The following HSD17B3 variants were observed in gnomAD, a reference collection of about 807,000 sequenced individuals.
HSD17B3 encodes the protein hydroxysteroid 17-beta dehydrogenase 3, also known as 17-beta-hydroxysteroid dehydrogenase type 3.
A neutral mutation model predicts 41.1 loss-of-function variants in HSD17B3; 29 were observed. That is an observed-to-expected ratio of 0.71 (90% confidence interval 0.53 to 0.96). The LOEUF is 0.96. HSD17B3 is among the 40% of genes least tolerant of loss of function. The pLI, the probability that HSD17B3 is intolerant of heterozygous loss-of-function variation, is 0.00. For missense variants in HSD17B3, 323 were observed against 374.6 expected (o/e 0.86, Z 1.14); for synonymous variants, 126 against 145.6 (o/e 0.87, Z 0.97).
chr9:96,244,259 C>G, intron 9 of HSD17B3, 70 bp downstream of exon 9: 1 of 1,480,368 alleles, frequency 6.8e-7, no homozygotes. Flanking sequence ...CCAGAGTAAC[C>G]CTTCTCAAGG....
At chr9:96,285,151 T>TA (rs929696171) in intron 2 of HSD17B3, among the ~76,000 whole-genome samples, 1 of 152,054 alleles carries the variant, frequency 6.6e-6, no homozygotes, top group Non-Finnish European at 1.5e-5. Context: ...AGCCAATTTT[T>TA]AAAAAAAGCT....
chr9:96,281,379 G>T (rs1047638001), intron 2 of HSD17B3, among the ~76,000 whole-genome samples: 2 of 152,132 alleles, frequency 1.3e-5, no homozygotes, highest in East Asian at 3.9e-4. Flanking sequence ...GGTAAAGGAT[G>T]GGGCTGGGTT....
chr9:96,280,098 G>C (rs112847756), intron 2 of HSD17B3, among the ~76,000 whole-genome samples: 2 of 152,238 alleles, frequency 1.3e-5, no homozygotes, highest in African/African-American at 4.8e-5. Context: ...TCTCTGTGTT[G>C]ATATCAGCGG....
chr9:96,270,311 G>A (rs538332939), intron 2 of HSD17B3, among the ~76,000 whole-genome samples: 2 of 152,116 alleles, frequency 1.3e-5, no homozygotes, highest in Admixed American at 6.6e-5. Context: ...GAGAGAAAGA[G>A]TGCCATGGCA....
intron 5 of HSD17B3, among the ~76,000 whole-genome samples, chr9:96,250,715 C>A (rs1450344023): frequency 2.0e-5 from 3 of 151,994 alleles, no homozygotes; most frequent in Non-Finnish European, 4.4e-5. Context: ...AGTGAAACCC[C>A]CGTCTCTACT....
intron 2 of HSD17B3, among the ~76,000 whole-genome samples, chr9:96,262,201 C>T (rs925278686): frequency 1.4e-5 from 2 of 142,354 alleles, no homozygotes; most frequent in Non-Finnish European, 3.0e-5. Context: ...ATGCTAGTTT[C>T]CCACAGTGGT....
chr9:96,251,398 A>G lies in HSD17B3; in HGVS notation c.453+20T>C. The G allele has an allele frequency of 6.2e-7, 1 of 1,608,482 alleles. No homozygotes were observed. The highest frequency in any genetic ancestry group is 2.2e-5 in the East Asian group (1 of 44,864). On this transcript the variant is annotated intron_variant, in intron 5 of 10. Transcript: ENST00000375263. ...GAACCTGGATAAGAGGAATCTATAC[A>G]CAGAAGAGCACAAGTCTACCTGGAT...
chr9:96,270,071 A>C (rs1443406000), intron 2 of HSD17B3, among the ~76,000 whole-genome samples: 1 of 152,180 alleles, frequency 6.6e-6, no homozygotes, highest in Non-Finnish European at 1.5e-5. Context: ...AGTGTTTTAC[A>C]TGTGTCGGGG....
At chr9:96,287,983 T>C (rs943333048) in intron 2 of HSD17B3, among the ~76,000 whole-genome samples, 1 of 152,060 alleles carries the variant, frequency 6.6e-6, no homozygotes, top group Non-Finnish European at 1.5e-5. Context: ...ATTAAAGAGC[T>C]ATTGACACAT....
chr9:96,249,623 C>T (rs886758937), intron 6 of HSD17B3, 128 bp downstream of exon 6: 1 of 804,302 alleles, frequency 1.2e-6, no homozygotes, highest in Non-Finnish European at 2.2e-6. Flanking sequence ...CACGACATGG[C>T]CTCTCAACTA....
At chr9:96,236,659 A>T (rs1836249940) in intron 10 of HSD17B3, among the ~76,000 whole-genome samples, 1 of 152,188 alleles carries the variant, frequency 6.6e-6, no homozygotes, top group Non-Finnish European at 1.5e-5. Context: ...AATGGAAGTC[A>T]GTCACAGAAA....
intron 2 of HSD17B3, among the ~76,000 whole-genome samples, chr9:96,263,271 C>T (rs1049349853): frequency 1.3e-5 from 2 of 152,094 alleles, no homozygotes; most frequent in African/African-American, 2.4e-5. Context: ...ATGGTCACCT[C>T]GCAAGCCTCA....
At chr9:96,269,802 G>A (rs982701079) in intron 2 of HSD17B3, among the ~76,000 whole-genome samples, 3 of 151,584 alleles carry the variant, frequency 2.0e-5, no homozygotes, top group Admixed American at 6.6e-5. Flanking sequence ...TATTCGGGAA[G>A]CTGAGGCAGG....
At chr9:96,239,495 T>C (rs752693764) in intron 10 of HSD17B3, 3 of 152,216 alleles carry the variant, frequency 2.0e-5, no homozygotes, top group African/African-American at 7.2e-5. Flanking sequence ...GTGAGTTACA[T>C]TGGTGATTAT....
At chr9:96,278,546 C>T (rs181656456) in intron 2 of HSD17B3, among the ~76,000 whole-genome samples, 77 of 152,024 alleles carry the variant, frequency 5.1e-4, no homozygotes, top group African/African-American at 1.6e-3. Flanking sequence ...GTGGGTGCTG[C>T]GTGGGGCTTG....
chr9:96,277,877 A>G (rs1487185584), intron 2 of HSD17B3, among the ~76,000 whole-genome samples: 1 of 151,746 alleles, frequency 6.6e-6, no homozygotes, highest in African/African-American at 2.4e-5. Context: ...ACACAATGGA[A>G]TATCATTTAG....
Position 96,267,716 on chromosome 9 carries a change from A to G in HSD17B3, c.202-12773T>C, listed in dbSNP as rs1176127100. ...GGGGCAAAGAAATAGAAATTATGAG[A>G]AAAAAAGGAAGAGAAATAAAGAATG... On this transcript the variant is annotated intron_variant, in intron 2 of 10. Coordinates refer to ENST00000375263, the MANE Select transcript of HSD17B3 (RefSeq NM_000197.2). 1.3e-5 allele frequency among the ~76,000 whole-genome samples: 2 copies of G among 152,074 alleles called. 1 individual carries two copies. Among genetic ancestry groups the G allele is most frequent in the Non-Finnish European group, 2.9e-5 (2 of 68,014 alleles).
intron 2 of HSD17B3, among the ~76,000 whole-genome samples, chr9:96,289,192 GGTGTGTGTGT>G (rs67271328): frequency 0.016 from 2,407 of 148,106 alleles, 24 homozygotes; most frequent in Non-Finnish European, 0.023. Context: ...TTGATTTCCT[GGTGTGTGTGT>G]GTGTGTGTGT....
chr9:96,246,335 T>C (rs762006700), intron 7 of HSD17B3: 2 of 616,700 alleles, frequency 3.2e-6, no homozygotes, highest in East Asian at 2.8e-5. Flanking sequence ...CTCCCTCCAA[T>C]GTGTGTTACG....
Sources: gnomAD v4.1 joint callset for allele counts (sites outside exome capture counted in the v4.1 genomes callset) on GRCh38, gnomAD v4.1.1 for gene constraint, MANE v1.5 for transcripts, NCBI Gene and HGNC (gene_info 2026-07-23, HGNC 2026-07-21) for gene names.